Variants in SLC41A3 observed in about 807,000 individuals in gnomAD.
SLC41A3 encodes the protein solute carrier family 41 member 3.
In SLC41A3, 44 loss-of-function variants were observed where a neutral mutation model predicts 45.4. The ratio of observed to expected loss-of-function variants is 0.97; its 90% CI spans 0.76 to 1.25. SLC41A3 has a LOEUF of 1.25. Ranked by LOEUF, SLC41A3 falls within the 50% of genes most tolerant of loss-of-function variation. SLC41A3 has a pLI of 0.00. For missense variants in SLC41A3, 550 were observed against 600.6 expected, an observed-to-expected ratio of 0.92 and a Z score of 0.88; for synonymous variants, 256 against 252.4, an observed-to-expected ratio of 1.01 and a Z score of -0.13.
chr3:126,032,911 G>C (rs755891462), intron 4 of SLC41A3, among the ~76,000 whole-genome samples: 2 of 152,146 alleles, frequency 1.3e-5, no homozygotes, highest in South Asian at 2.1e-4. Flanking sequence ...GAAGGGTCTA[G>C]GATAAAGCTA....
intron 2 of SLC41A3, among the ~76,000 whole-genome samples, chr3:126,057,371 A>C (rs1943737956): frequency 6.6e-6 from 1 of 152,202 alleles, no homozygotes; most frequent in East Asian, 1.9e-4. Context: ...CCAGAGAAGG[A>C]GAAGGGGCTG....
intron 1 of SLC41A3, chr3:126,092,452 A>C (rs1945507473): frequency 6.6e-6 from 1 of 152,218 alleles, no homozygotes; most frequent in African/African-American, 2.4e-5. Context: ...TGCTGCTAAT[A>C]AATACGTGGG....
At chr3:126,062,468 C>T (rs890913172) in intron 2 of SLC41A3, among the ~76,000 whole-genome samples, 6 of 152,232 alleles carry the variant, frequency 3.9e-5, no homozygotes, top group Non-Finnish European at 7.3e-5. Context: ...AAGGTCTCCC[C>T]TGCATCTGCC....
At chr3:126,069,755 G>A (rs780850335) in intron 1 of SLC41A3, among the ~76,000 whole-genome samples, 2 of 152,210 alleles carry the variant, frequency 1.3e-5, no homozygotes, top group Admixed American at 6.5e-5. Context: ...CTTGAATACA[G>A]AGTATCAATA....
At chr3:126,098,662 C>G (rs1006161305) in intron 1 of SLC41A3, among the ~76,000 whole-genome samples, 3 of 152,256 alleles carry the variant, frequency 2.0e-5, no homozygotes, top group Admixed American at 6.5e-5. Flanking sequence ...CCAGGCAGGC[C>G]TGGCCCTGCC....
At chr3:126,080,602 G>C (rs1945101717) in intron 1 of SLC41A3, among the ~76,000 whole-genome samples, 1 of 152,216 alleles carries the variant, frequency 6.6e-6, no homozygotes. Flanking sequence ...TACACTGTTA[G>C]TGGGAATGTA....
intron 1 of SLC41A3, among the ~76,000 whole-genome samples, chr3:126,092,055 G>A (rs895418561): frequency 2.0e-5 from 3 of 152,198 alleles, no homozygotes; most frequent in African/African-American, 7.2e-5. Context: ...AAAGAGATCT[G>A]AGTTACCCTG....
At chr3:126,049,180 G>C (rs776004524) in intron 3 of SLC41A3, among the ~76,000 whole-genome samples, 2 of 151,872 alleles carry the variant, frequency 1.3e-5, no homozygotes, top group African/African-American at 4.8e-5. Context: ...GATCGTTGTA[G>C]AGAAGTGTTT....
At chr3:126,092,876 A>G (rs1296732387) in intron 1 of SLC41A3, among the ~76,000 whole-genome samples, 1 of 152,222 alleles carries the variant, frequency 6.6e-6, no homozygotes, top group Non-Finnish European at 1.5e-5. Context: ...TTTGTTTGCC[A>G]GCTAAAGCTA....
chr3:126,019,246 T>C (rs1940613018), intron 6 of SLC41A3, among the ~76,000 whole-genome samples: 1 of 152,266 alleles, frequency 6.6e-6, no homozygotes, highest in Middle Eastern at 3.4e-3. Flanking sequence ...CCATGGTAAC[T>C]CATTAATCCA....
At chr3:126,086,408 G>GTTTTTTTTTTTTTTTTTTTTT (rs57316346), upstream of SLC41A3, among the ~76,000 whole-genome samples, 1 of 21,184 alleles carries the variant, frequency 4.7e-5, no homozygotes, top group African/African-American at 1.3e-4. Flanking sequence ...TTGTTTTCTT[G>GTTTTTTTTTTTTTTTTTTTTT]TTTTTTTTTT....
intron 3 of SLC41A3, 127 bp from the exon 4 acceptor site, chr3:126,033,805 T>G: frequency 3.0e-6 from 3 of 999,840 alleles, no homozygotes; most frequent in African/African-American, 1.6e-5. Context: ...CAGAAAAAAA[T>G]TCCTCTGCTC....
At chr3:126,068,278 A>G in intron 1 of SLC41A3, 32 bp from the exon 2 acceptor site, 2 of 1,469,460 alleles carry the variant, frequency 1.4e-6, no homozygotes, top group Non-Finnish European at 1.8e-6. Context: ...TGTAGGGCCA[A>G]GTTCCTGATT....
At position 126,012,660 on chromosome 3, in the gene SLC41A3, T is replaced by C; in HGVS notation, c.1060A>G (p.Met354Val). ...CACGGGTTGGGCCAGAATTTCTTCA[T>C]CTGGAGGGGCAGGACGCCAGGTGCA... ...WSAPGVLPLQ[M>V]KKFWPNPCST... The change falls in exon 9 of 11, where the codon ATG becomes GTG. Residue 354 changes from methionine to valine, a missense_variant. Transcript: ENST00000360370. 1 of 1,614,174 alleles carries C rather than the reference T, an allele frequency of 6.2e-7. No individual in the cohort carries two copies. Among genetic ancestry groups the C allele is most frequent in the South Asian group, 1.1e-5 (1 of 91,066 alleles).
intron 1 of SLC41A3, 86 bp from the exon 2 acceptor site, chr3:126,068,332 C>CG (rs75194127): frequency 0.029 from 38,589 of 1,308,480 alleles, 1,121 homozygotes; most frequent in East Asian, 0.17. Context: ...CCTGTCCAGC[C>CG]CCAGGCCGGC....
In SLC41A3 at chr3:126,013,725, T is replaced by C. The variant is rs145607758; in HGVS notation, c.971-976A>G. On this transcript the variant is annotated intron_variant, in intron 8 of 10. Coordinates refer to ENST00000360370, the MANE Select transcript of SLC41A3 (RefSeq NM_017836.4). ...ACGTTGTCTGCTGCATGATTTCAATTTGTGGTGCTAGGTGAGCCCCTCTCT... is the reference window on the plus strand; with the variant it reads ...ACGTTGTCTGCTGCATGATTTCAATCTGTGGTGCTAGGTGAGCCCCTCTCT... Among the ~76,000 whole-genome samples the C allele has an allele frequency of 2.8e-4, 43 of 152,254 alleles. No homozygotes were observed. The East Asian group carries it at 8.1e-3, about 29-fold the overall frequency.
At chr3:126,079,551 C>T (rs1945050674) in intron 1 of SLC41A3, among the ~76,000 whole-genome samples, 1 of 151,964 alleles carries the variant, frequency 6.6e-6, no homozygotes, top group Non-Finnish European at 1.5e-5. Context: ...ACAAAGGCAG[C>T]CTAGACAGCC....
At chr3:126,061,671 C>A (rs1334418352) in intron 2 of SLC41A3, among the ~76,000 whole-genome samples, 1 of 152,130 alleles carries the variant, frequency 6.6e-6, no homozygotes, top group Non-Finnish European at 1.5e-5. Context: ...AGGGTGAGAC[C>A]CCCTCCCTCA....
intron 1 of SLC41A3, among the ~76,000 whole-genome samples, chr3:126,078,684 G>A (rs748536382): frequency 3.9e-5 from 6 of 152,180 alleles, no homozygotes; most frequent in Non-Finnish European, 7.4e-5. Flanking sequence ...ATCACTTTAC[G>A]CAGAAGAGGA....
Sources: gnomAD v4.1 joint callset for allele counts (sites outside exome capture counted in the v4.1 genomes callset) on GRCh38, gnomAD v4.1.1 for gene constraint, MANE v1.5 for transcripts, NCBI Gene and HGNC (gene_info 2026-07-23, HGNC 2026-07-21) for gene names.